The following ART3 variants were observed in gnomAD, a reference collection of about 807,000 sequenced individuals.
ART3 encodes the protein ecto-ADP-ribosyltransferase 3.
ART3 carries 49 observed loss-of-function variants against 48.5 expected under a neutral mutation model. The ratio of observed to expected loss-of-function variants is 1.01; its 90% CI spans 0.80 to 1.28. The LOEUF (loss-of-function observed/expected upper bound fraction) is 1.28. Among genes scored for constraint, ART3 ranks in the 50% most tolerant of loss-of-function variants. The probability of loss-of-function intolerance (pLI) is 0.00; values close to 1 mark genes in which losing one functional copy is unlikely to be tolerated. For synonymous variants in ART3, 145 were observed against 157.2 expected (o/e 0.92, Z 0.58); for missense variants, 438 against 454.3 (o/e 0.96, Z 0.33).
chr4:76,090,994 A>AT (rs1348207559), intron 3 of ART3, among the ~76,000 whole-genome samples: 2 of 152,160 alleles, frequency 1.3e-5, no homozygotes, highest in African/African-American at 4.8e-5. Flanking sequence ...TTTCATTCAA[A>AT]TCTTATCATA....
At chr4:76,088,237 C>A (rs1295392864) in intron 3 of ART3, among the ~76,000 whole-genome samples, 1 of 124,038 alleles carries the variant, frequency 8.1e-6, no homozygotes, top group East Asian at 3.5e-4. Context: ...ACATATCATC[C>A]CCTGAACTCT....
At chr4:76,101,619 G>C (rs1377787382) in intron 8 of ART3, among the ~76,000 whole-genome samples, 1 of 152,150 alleles carries the variant, frequency 6.6e-6, no homozygotes, top group East Asian at 1.9e-4. Context: ...GGGCATGGTG[G>C]CACACGCCTG....
intron 1 of ART3, among the ~76,000 whole-genome samples, chr4:76,060,493 C>A (rs1719107731): frequency 6.6e-6 from 1 of 152,148 alleles, no homozygotes; most frequent in Non-Finnish European, 1.5e-5. Context: ...TCTCTATCTG[C>A]AAGCCTACAC....
intron 1 of ART3, among the ~76,000 whole-genome samples, chr4:76,035,669 A>T (rs1002583636): frequency 1.3e-5 from 2 of 152,230 alleles, no homozygotes; most frequent in African/African-American, 4.8e-5. Context: ...CTTAACAGAC[A>T]TTTAAAACTG....
chr4:76,112,170 C>T (rs1267469450), intron 11 of ART3, among the ~76,000 whole-genome samples: 2 of 152,172 alleles, frequency 1.3e-5, no homozygotes, highest in African/African-American at 4.8e-5. Context: ...GTTGGCACCC[C>T]AACACCCGTA....
chr4:76,047,943 C>G (rs901974537), intron 1 of ART3, among the ~76,000 whole-genome samples: 1 of 151,968 alleles, frequency 6.6e-6, no homozygotes, highest in Non-Finnish European at 1.5e-5. Flanking sequence ...CTGCCTTGAT[C>G]TGTTTTAAAT....
intron 1 of ART3, among the ~76,000 whole-genome samples, chr4:76,058,801 T>G (rs1718917594): frequency 1.3e-5 from 2 of 152,154 alleles, no homozygotes; most frequent in Non-Finnish European, 2.9e-5. Flanking sequence ...AAGAAAAACC[T>G]TAGACAAATT....
At chr4:76,036,148 CTT>C (rs1322022898) in intron 1 of ART3, 3 of 616,604 alleles carry the variant, frequency 4.9e-6, no homozygotes, top group Admixed American at 6.3e-5. Context: ...GAATTTCCCT[CTT>C]TGAGTCATGC....
chr4:76,047,864 A>G (rs1445900036), intron 1 of ART3, among the ~76,000 whole-genome samples: 2 of 152,030 alleles, frequency 1.3e-5, no homozygotes, highest in Non-Finnish European at 2.9e-5. Flanking sequence ...GGTTTGCCCT[A>G]GACCCTGTAG....
chr4:76,032,540 A>G (rs1480313711), intron 1 of ART3, among the ~76,000 whole-genome samples: 1 of 150,198 alleles, frequency 6.7e-6, no homozygotes, highest in Non-Finnish European at 1.5e-5. Flanking sequence ...AAGAGACTTA[A>G]AAAAAAAATC....
intron 1 of ART3, among the ~76,000 whole-genome samples, chr4:76,032,838 G>A (rs551283088): frequency 8.8e-4 from 133 of 151,886 alleles, no homozygotes; most frequent in African/African-American, 3.0e-3. Flanking sequence ...CGCCCGCTTC[G>A]GCCTCCCAAA....
intron 1 of ART3, chr4:76,036,135 C>T (rs1177161702): frequency 4.7e-6 from 3 of 643,928 alleles, no homozygotes; most frequent in Non-Finnish European, 8.1e-6. Context: ...TTTTATGGCA[C>T]AGGAATTTCC....
intron 1 of ART3, chr4:76,023,539 A>G (rs1454621981): frequency 1.0e-6 from 1 of 969,216 alleles, no homozygotes; most frequent in Non-Finnish European, 1.7e-6. Flanking sequence ...CTGCAAAGCC[A>G]TTTTCCCTCC....
intron 3 of ART3, among the ~76,000 whole-genome samples, chr4:76,094,001 G>A (rs1463265709): frequency 6.6e-6 from 1 of 152,146 alleles, no homozygotes; most frequent in African/African-American, 2.4e-5. Context: ...ATGAGGGCTG[G>A]GAGTACCCAT....
chr4:76,083,905 C>G (rs1224215304), intron 3 of ART3, among the ~76,000 whole-genome samples: 3 of 152,172 alleles, frequency 2.0e-5, no homozygotes, highest in African/African-American at 7.2e-5. Context: ...CCAAAAGTTT[C>G]TGAAAGCCAA....
intron 3 of ART3, among the ~76,000 whole-genome samples, chr4:76,085,734 AT>A (rs1404360691): frequency 6.6e-6 from 1 of 152,210 alleles, no homozygotes; most frequent in Admixed American, 6.5e-5. Flanking sequence ...TGCAGCCATT[AT>A]GGAAAACAGT....
intron 3 of ART3, among the ~76,000 whole-genome samples, chr4:76,089,742 T>C (rs543792776): frequency 5.1e-4 from 78 of 152,264 alleles, no homozygotes; most frequent in African/African-American, 1.9e-3. Context: ...GTTCACACGG[T>C]GTCTGACAGA....
chr4:76,104,246 A>C, intron 9 of ART3: 1 of 712,694 alleles, frequency 1.4e-6, no homozygotes, highest in Non-Finnish European at 1.7e-6. Flanking sequence ...GCATCAGTCC[A>C]ACACCTTCCA....
chr4:76,110,674 G>A (rs928056378), intron 11 of ART3, among the ~76,000 whole-genome samples: 24 of 152,138 alleles, frequency 1.6e-4, no homozygotes, highest in Admixed American at 5.2e-4. Flanking sequence ...AAAACCTAGC[G>A]TAGCAGATCT....
Sources: gnomAD v4.1 joint callset for allele counts (sites outside exome capture counted in the v4.1 genomes callset) on GRCh38, gnomAD v4.1.1 for gene constraint, MANE v1.5 for transcripts, NCBI Gene and HGNC (gene_info 2026-07-23, HGNC 2026-07-21) for gene names.